The following SLC35F1 variants were observed in gnomAD, a reference collection of about 807,000 sequenced individuals.
SLC35F1 encodes chromosome 6 open reading frame 169.
Under a neutral mutation model 48.7 loss-of-function variants are expected in SLC35F1, and 14 were observed. The ratio of observed to expected loss-of-function variants is 0.29; its 90% CI spans 0.19 to 0.45. The LOEUF is 0.45. SLC35F1 is among the 20% of genes least tolerant of loss of function. SLC35F1 has a pLI of 1.00. For synonymous variants in SLC35F1, 190 were observed against 202.2 expected (o/e 0.94, Z 0.51); for missense variants, 404 against 500.0 (o/e 0.81, Z 1.83).
chr6:118,114,669 C>T (rs1773453855), intron 1 of SLC35F1, among the ~76,000 whole-genome samples: 1 of 152,162 alleles, frequency 6.6e-6, no homozygotes, highest in African/African-American at 2.4e-5. Context: ...AGCTACCGCG[C>T]CTGGCCAGAT....
intron 1 of SLC35F1, among the ~76,000 whole-genome samples, chr6:117,911,164 T>C (rs1775756921): frequency 6.6e-6 from 1 of 152,136 alleles, no homozygotes; most frequent in Admixed American, 6.5e-5. Flanking sequence ...ATTCAAGACT[T>C]GGTGAAAGAG....
At chr6:118,050,229 G>T (rs79611965) in intron 1 of SLC35F1, among the ~76,000 whole-genome samples, 6,435 of 152,000 alleles carry the variant, frequency 0.042, 210 homozygotes, top group Non-Finnish European at 0.065. Context: ...GTGGGAGGAG[G>T]GGGGAGGGAT....
In SLC35F1 at chr6:118,230,412, A is replaced by C. The variant is rs376141007; in HGVS notation, c.350-5097A>C. ...TGTTTGAAAAATTAGAACCAATTAG[A>C]AGTCTATCAGTGGAAGATTGAATAA... On this transcript the variant is annotated intron_variant, in intron 2 of 7. Transcript: ENST00000360388. 4.7e-4 allele frequency among the ~76,000 whole-genome samples: 71 copies of C among 152,282 alleles called. No homozygotes were observed. In the South Asian group the frequency reaches 0.013, roughly 28 times the overall value.
At chr6:118,167,736 T>C (rs1279272253) in intron 2 of SLC35F1, among the ~76,000 whole-genome samples, 1 of 152,096 alleles carries the variant, frequency 6.6e-6, no homozygotes. Context: ...ACTATGCACT[T>C]AGACTACACT....
intron 2 of SLC35F1, among the ~76,000 whole-genome samples, chr6:118,210,077 G>A (rs893286997): frequency 2.0e-5 from 3 of 152,158 alleles, no homozygotes; most frequent in Non-Finnish European, 4.4e-5. Flanking sequence ...GTTGGAGCAA[G>A]CAAAAGAACA....
At chr6:117,996,302 A>C (rs1210248321) in intron 1 of SLC35F1, among the ~76,000 whole-genome samples, 1 of 152,212 alleles carries the variant, frequency 6.6e-6, no homozygotes, top group Non-Finnish European at 1.5e-5. Flanking sequence ...AATTGTGCTA[A>C]ATAAGAATTT....
chr6:118,299,114 G>A (rs1431692424), intron 7 of SLC35F1, among the ~76,000 whole-genome samples: 3 of 152,128 alleles, frequency 2.0e-5, no homozygotes, highest in Non-Finnish European at 4.4e-5. Context: ...CTGGGGGGTC[G>A]AGGCTGCAGT....
Position 118,228,630 on chromosome 6 carries a change from G to A in SLC35F1, c.350-6879G>A, listed in dbSNP as rs113326182. On this transcript the variant is annotated intron_variant, in intron 2 of 7. Transcript: ENST00000360388. Reference sequence around the variant, plus strand: ...GATTGCTTGATCCTGGGAGGGCAAGGCTGCAGTGAACCAAGATCACACCAC... The same window carrying A: ...GATTGCTTGATCCTGGGAGGGCAAGACTGCAGTGAACCAAGATCACACCAC... 9.7e-3 allele frequency among the ~76,000 whole-genome samples: 1,470 copies of A among 152,180 alleles called. 21 individuals carry two copies. Among genetic ancestry groups the A allele is most frequent in the African/African-American group, 0.034 (1,392 of 41,516 alleles).
chr6:118,263,927 G>A (rs1775741785), intron 3 of SLC35F1, among the ~76,000 whole-genome samples: 1 of 152,212 alleles, frequency 6.6e-6, no homozygotes, highest in Admixed American at 6.5e-5. Context: ...AGATGCCATG[G>A]TGAGAGCTTC....
At chr6:117,947,072 G>T (rs747057167) in intron 1 of SLC35F1, among the ~76,000 whole-genome samples, 12 of 152,174 alleles carry the variant, frequency 7.9e-5, no homozygotes, top group Non-Finnish European at 1.8e-4. Context: ...CTAAGGAGAA[G>T]AATTTGAATT....
intron 1 of SLC35F1, among the ~76,000 whole-genome samples, chr6:117,921,762 A>G (rs1444386731): frequency 3.3e-5 from 5 of 152,218 alleles, no homozygotes; most frequent in East Asian, 3.8e-4. Flanking sequence ...GTTAATTCCA[A>G]CCTGAGAGCA....
At chr6:118,299,389 G>A (rs1275233994) in intron 7 of SLC35F1, among the ~76,000 whole-genome samples, 1 of 152,124 alleles carries the variant, frequency 6.6e-6, no homozygotes, top group African/African-American at 2.4e-5. Flanking sequence ...CTACCAATGG[G>A]TCCATAAATT....
chr6:117,992,681 T>C (rs1053484794), intron 1 of SLC35F1, among the ~76,000 whole-genome samples: 2 of 152,216 alleles, frequency 1.3e-5, no homozygotes, highest in African/African-American at 2.4e-5. Flanking sequence ...ATGAGAGAGA[T>C]TTTTAATGGA....
chr6:118,074,453 T>A (rs1484192739), intron 1 of SLC35F1, among the ~76,000 whole-genome samples: 1 of 152,168 alleles, frequency 6.6e-6, no homozygotes, highest in Non-Finnish European at 1.5e-5. Context: ...TTCACCTCTA[T>A]GTGACCTCCT....
chr6:118,153,709 G>T (rs1313910883), intron 1 of SLC35F1, among the ~76,000 whole-genome samples: 1 of 152,152 alleles, frequency 6.6e-6, no homozygotes, highest in Non-Finnish European at 1.5e-5. Flanking sequence ...TATGAAAAAA[G>T]CCACAAAAAA....
intron 3 of SLC35F1, among the ~76,000 whole-genome samples, chr6:118,242,699 C>T (rs971636519): frequency 2.6e-5 from 4 of 152,198 alleles, no homozygotes; most frequent in Non-Finnish European, 1.5e-5. Flanking sequence ...AGCTGTATGA[C>T]TTCTTATCCA....
intron 1 of SLC35F1, among the ~76,000 whole-genome samples, chr6:117,987,972 A>G (rs1317049043): frequency 1.3e-5 from 2 of 152,152 alleles, no homozygotes; most frequent in African/African-American, 4.8e-5. Flanking sequence ...TTAGAGCCCA[A>G]CAGCGGTGGG....
rs745677823 is a variant in SLC35F1, at chr6:118,281,175, ACTCTCTCTCT to A, written c.847+3650_847+3659del. ...ACACATACTTTATATATATATAGTA[ACTCTCTCTCT>A]CTCTCTCTCTCTCTCTCTCTATATA... On this transcript the variant is annotated intron_variant, in intron 6 of 7. Coordinates refer to ENST00000360388, the MANE Select transcript of SLC35F1 (RefSeq NM_001029858.4). Among the ~76,000 whole-genome samples the A allele has an allele frequency of 2.5e-4, 35 of 137,692 alleles. 2 individuals are homozygous for A. The South Asian group carries it at 6.1e-3, about 24-fold the overall frequency. The allele number at this position is 137,692 out of a possible 152,430, so 90.3% of individuals were successfully genotyped here. A position where few individuals can be genotyped will look rare whatever the true frequency, so the allele number is the denominator to read the frequency against.
chr6:117,938,753 T>C (rs1776191491), intron 1 of SLC35F1, among the ~76,000 whole-genome samples: 1 of 152,220 alleles, frequency 6.6e-6, no homozygotes, highest in Admixed American at 6.5e-5. Context: ...TGCCAGGTCA[T>C]ACTTAGTTCT....
Sources: gnomAD v4.1 joint callset for allele counts (sites outside exome capture counted in the v4.1 genomes callset) on GRCh38, gnomAD v4.1.1 for gene constraint, MANE v1.5 for transcripts, NCBI Gene and HGNC (gene_info 2026-07-23, HGNC 2026-07-21) for gene names.